The following ADAMTSL1 variants were observed in gnomAD, a reference collection of about 807,000 sequenced individuals.
The protein encoded by ADAMTSL1 is ADAMTS like 1.
ADAMTSL1 carries 126 observed loss-of-function variants against 201.8 expected under a neutral mutation model. That is an observed-to-expected ratio of 0.62 (90% confidence interval 0.54 to 0.72). The LOEUF is 0.72. ADAMTSL1 is among the 30% of genes least tolerant of loss of function. The pLI is 0.00. For missense variants in ADAMTSL1, 2,679 were observed against 2,277.8 expected (o/e 1.18, Z -3.59); for synonymous variants, 1,121 against 903.4 (o/e 1.24, Z -4.32).
At chr9:18,356,224 G>A (rs184186954) in intron 2 of ADAMTSL1, among the ~76,000 whole-genome samples, 2 of 152,304 alleles carry the variant, frequency 1.3e-5, no homozygotes, top group Admixed American at 1.3e-4. Context: ...CCAGAATAGG[G>A]GAAGGGCAGG....
At chr9:18,166,839 A>C (rs1827653585) in intron 2 of ADAMTSL1, among the ~76,000 whole-genome samples, 1 of 152,000 alleles carries the variant, frequency 6.6e-6, no homozygotes, top group African/African-American at 2.4e-5. Context: ...AACCTAAAAA[A>C]TTAATTTATT....
At chr9:18,648,216 C>CTTTT (rs542943254) in intron 7 of ADAMTSL1, among the ~76,000 whole-genome samples, 1 of 136,900 alleles carries the variant, frequency 7.3e-6, no homozygotes, top group Non-Finnish European at 1.6e-5. Context: ...CCAACCCTGC[C>CTTTT]TTTTTTTGTT....
intron 2 of ADAMTSL1, among the ~76,000 whole-genome samples, chr9:18,184,069 A>G (rs769961934): frequency 6.6e-6 from 1 of 152,184 alleles, no homozygotes; most frequent in Admixed American, 6.5e-5. Flanking sequence ...CATCCAACAG[A>G]TAATTCCGAA....
chr9:18,844,777 C>A (rs1381205655), intron 23 of ADAMTSL1, among the ~76,000 whole-genome samples: 1 of 152,228 alleles, frequency 6.6e-6, no homozygotes, highest in Admixed American at 6.5e-5. Context: ...TGCCGCATTG[C>A]AGTTTGATCT....
chr9:17,953,506 C>T (rs1310322638), intron 1 of ADAMTSL1, among the ~76,000 whole-genome samples: 1 of 152,186 alleles, frequency 6.6e-6, no homozygotes, highest in African/African-American at 2.4e-5. Context: ...CAAAGACTTA[C>T]ACATGAGGAT....
chr9:18,824,876 T>G (rs915208132), intron 21 of ADAMTSL1, among the ~76,000 whole-genome samples: 2 of 151,926 alleles, frequency 1.3e-5, no homozygotes, highest in African/African-American at 4.8e-5. Context: ...TTTTGTATTT[T>G]TAGTAGAGAC....
chr9:18,720,561 A>G (rs182819702), intron 14 of ADAMTSL1, among the ~76,000 whole-genome samples: 261 of 152,344 alleles, frequency 1.7e-3, no homozygotes, highest in African/African-American at 6.2e-3. Context: ...AGGTGGGCAG[A>G]TCACTTGAGG....
intron 15 of ADAMTSL1, among the ~76,000 whole-genome samples, chr9:18,729,108 A>T (rs10963738): frequency 0.36 from 54,613 of 151,974 alleles, 9,885 homozygotes; most frequent in South Asian, 0.47. Flanking sequence ...TCACATTGTG[A>T]TTGCTCCTAT....
At chr9:18,620,015 ATTTTT>A (rs35177614) in intron 4 of ADAMTSL1, among the ~76,000 whole-genome samples, 101 of 101,256 alleles carry the variant, frequency 1.0e-3, no homozygotes, top group Admixed American at 2.8e-3. Context: ...CAGTTTTCTG[ATTTTT>A]TTTTTTTTTT....
chr9:18,126,049 T>C (rs1236973013), intron 1 of ADAMTSL1, among the ~76,000 whole-genome samples: 1 of 152,208 alleles, frequency 6.6e-6, no homozygotes, highest in African/African-American at 2.4e-5. Context: ...CTCAACACCG[T>C]CATGGAGCTG....
intron 1 of ADAMTSL1, among the ~76,000 whole-genome samples, chr9:18,127,525 A>G (rs1393217565): frequency 7.4e-6 from 1 of 134,978 alleles, no homozygotes; most frequent in Non-Finnish European, 1.6e-5. Flanking sequence ...CACACACAAC[A>G]CATGCTTTAA....
At chr9:18,342,476 T>G (rs928285748) in intron 2 of ADAMTSL1, among the ~76,000 whole-genome samples, 4 of 152,172 alleles carry the variant, frequency 2.6e-5, no homozygotes, top group African/African-American at 9.7e-5. Flanking sequence ...TTAGGAAAGT[T>G]GTCTCATAGC....
At chr9:18,388,452 T>C (rs1771332749) in intron 2 of ADAMTSL1, among the ~76,000 whole-genome samples, 1 of 152,042 alleles carries the variant, frequency 6.6e-6, no homozygotes, top group South Asian at 2.1e-4. Context: ...TTTTGCATTT[T>C]CTGTAGAGAC....
intron 2 of ADAMTSL1, among the ~76,000 whole-genome samples, chr9:18,388,988 C>A (rs893548151): frequency 6.6e-6 from 1 of 152,066 alleles, no homozygotes; most frequent in African/African-American, 2.4e-5. Context: ...AACTCCTGAC[C>A]TCATGATCCA....
chr9:17,982,065 C>G (rs971967082), intron 1 of ADAMTSL1, among the ~76,000 whole-genome samples: 9 of 152,188 alleles, frequency 5.9e-5, no homozygotes, highest in Non-Finnish European at 1.0e-4. Flanking sequence ...AATCACACTA[C>G]TTGCTTAAAC....
At chr9:18,162,225 A>T (rs1439845642) in intron 1 of ADAMTSL1, among the ~76,000 whole-genome samples, 1 of 152,000 alleles carries the variant, frequency 6.6e-6, no homozygotes, top group Non-Finnish European at 1.5e-5. Context: ...TCAAGCCAGC[A>T]GTGGCAAATC....
intron 17 of ADAMTSL1, among the ~76,000 whole-genome samples, chr9:18,773,702 T>C (rs539110335): frequency 4.6e-5 from 7 of 152,314 alleles, no homozygotes; most frequent in African/African-American, 1.4e-4. Context: ...ATTCCAGAGA[T>C]ATGGAAATTG....
At chr9:18,383,931 G>C (rs1837673319) in intron 2 of ADAMTSL1, among the ~76,000 whole-genome samples, 1 of 152,118 alleles carries the variant, frequency 6.6e-6, no homozygotes, top group Non-Finnish European at 1.5e-5. Flanking sequence ...AGTAGGTCTA[G>C]AATAGGCCCC....
At chr9:18,504,196 C>T (rs1252672663) in intron 1 of ADAMTSL1, among the ~76,000 whole-genome samples, 3 of 152,102 alleles carry the variant, frequency 2.0e-5, no homozygotes, top group African/African-American at 7.2e-5. Context: ...ATGTGAAGTA[C>T]AGCATTGAGA....
Sources: allele counts gnomAD v4.1 joint callset (sites outside exome capture counted in the v4.1 genomes callset), GRCh38; gene constraint gnomAD v4.1.1; transcripts MANE v1.5; gene names NCBI Gene and HGNC (gene_info 2026-07-23, HGNC 2026-07-21).